PLEKHG3: variants seen among roughly 807,000 people sequenced by gnomAD.
PLEKHG3 encodes pleckstrin homology and RhoGEF domain containing G3.
Under a neutral mutation model 94.9 loss-of-function variants are expected in PLEKHG3, and 62 were observed. The observed-to-expected ratio is 0.65, with a 90% CI of 0.53 to 0.81. The LOEUF (loss-of-function observed/expected upper bound fraction) is 0.81, where lower values mean the gene tolerates loss of function less well. Ranked by LOEUF, PLEKHG3 falls within the 30% of genes least tolerant of loss-of-function variation. PLEKHG3 has a pLI of 0.00. For synonymous variants in PLEKHG3, 614 were observed against 654.0 expected (o/e 0.94, Z 0.93); for missense variants, 1,461 against 1,619.3 (o/e 0.90, Z 1.68).
At position 64,728,935 on chromosome 14, in the gene PLEKHG3, A is replaced by T. The variant is rs1186823141; in HGVS notation, c.352-61A>T. ...AGCAGGGCCGAAACGAGGTGTGGCT[A>T]GGGAAGGTAGTGGGCAGGGTTGTGC... On this transcript the variant is annotated intron_variant, in intron 2 of 16. Transcript: ENST00000247226. The surrounding 1 kb of genome is among the most constrained non-coding windows in gnomAD (Gnocchi z 5.9). 4 of 658,050 alleles carry T rather than the reference A, an allele frequency of 6.1e-6. No homozygotes were observed. The highest frequency in any genetic ancestry group is 1.1e-5 in the Non-Finnish European group (4 of 367,868). 40.8% of individuals were successfully genotyped at this position (658,050 alleles called of 1,614,324 possible).
intron 16 of PLEKHG3, 24 bp from the exon 17 acceptor site, chr14:64,742,958 A>G: frequency 1.2e-6 from 2 of 1,612,482 alleles, no homozygotes; most frequent in East Asian, 4.5e-5. Context: ...CCCATGCTTC[A>G]GGCAGCTTGC....
In PLEKHG3 at chr14:64,743,407, A is replaced by G. The variant is rs1201723978; in HGVS notation, c.3364A>G (p.Ser1122Gly). Residue 1122 changes from serine (S) to glycine (G), a missense_variant, in exon 17 of 17, where the codon AGC becomes GGC. Ser to Gly is a moderately conservative substitution (Grantham distance 56). Coordinates refer to ENST00000247226, the MANE Select transcript of PLEKHG3 (RefSeq NM_001308147.2). The surrounding 1 kb of genome is among the most constrained non-coding windows in gnomAD (Gnocchi z 7.2). ...AAQSPGPLPQ[S>G]KPDGGETLYV... ...CCAATCCCCTGGGCCTCTGCCCCAG[A>G]GCAAGCCGGATGGAGGCGAGACCCT... 6.2e-7 allele frequency: 1 copy of G among 1,610,750 alleles called. No homozygotes were observed. The highest frequency in any genetic ancestry group is 8.5e-7 in the Non-Finnish European group (1 of 1,178,312).
chr14:64,709,124 T>C (rs547996722), intron 1 of PLEKHG3, among the ~76,000 whole-genome samples: 1 of 152,194 alleles, frequency 6.6e-6, no homozygotes, highest in Non-Finnish European at 1.5e-5. Flanking sequence ...ACTGGGTTGC[T>C]ATCTGGGGAC....
rs545030686 is a variant in PLEKHG3, at chr14:64,722,517, G to A, written c.-39-5076G>A. On this transcript the variant is annotated intron_variant, in intron 1 of 16. Coordinates refer to ENST00000247226, the MANE Select transcript of PLEKHG3 (RefSeq NM_001308147.2). This position sits in a 1 kb window ranked among gnomAD's most constrained non-coding sequence, Gnocchi z 4.3. The stretch of plus-strand genomic sequence containing the variant: ...TTACAGGCGTGAGCCACTGCGCCTG[G>A]CCACGAGGACTTTCCCTGTGTGCAG... Among the ~76,000 whole-genome samples, 7 of 152,292 alleles carry A rather than the reference G, an allele frequency of 4.6e-5. No homozygotes were observed. In the South Asian group the frequency reaches 1.4e-3, roughly 32 times the overall value.
intron 13 of PLEKHG3, 132 bp downstream of exon 13, chr14:64,737,023 C>T: frequency 1.3e-6 from 1 of 771,830 alleles, no homozygotes; most frequent in Non-Finnish European, 2.3e-6. Flanking sequence ...ACTCTGCCTC[C>T]ATTCCCCCCA....
In PLEKHG3 at chr14:64,731,590, A is replaced by G; in HGVS notation, c.1032+47A>G. On this transcript the variant is annotated intron_variant, in intron 8 of 16. Coordinates refer to ENST00000247226, the MANE Select transcript of PLEKHG3 (RefSeq NM_001308147.2). The surrounding 1 kb of genome is among the most constrained non-coding windows in gnomAD (Gnocchi z 6.1). ...TCCTCTGCCATCTTCTCTCCTTCCC[A>G]AAGGATCTGGGCTCCCCTTCTTGTC... 6.3e-7 allele frequency: 1 copy of G among 1,586,858 alleles called. No individual in the cohort carries two copies. The highest frequency in any genetic ancestry group is 8.7e-7 in the Non-Finnish European group (1 of 1,155,902).
At position 64,725,548 on chromosome 14, in the gene PLEKHG3, T is replaced by A. The variant is rs540092667; in HGVS notation, c.-39-2045T>A. On this transcript the variant is annotated intron_variant, in intron 1 of 16. Coordinates refer to ENST00000247226, the MANE Select transcript of PLEKHG3 (RefSeq NM_001308147.2). The surrounding 1 kb of genome is among the most constrained non-coding windows in gnomAD (Gnocchi z 5.0). ...TTCTGTAAAAGGCATAGCTGATTAA[T>A]TGTAAAGGCCCTTTTGAGGAGGGAG... Among the ~76,000 whole-genome samples, 1 of 152,296 alleles carries A rather than the reference T, an allele frequency of 6.6e-6. No individual in the cohort carries two copies. Among genetic ancestry groups the A allele is most frequent in the Non-Finnish European group, 1.5e-5 (1 of 68,022 alleles).
Position 64,731,102 on chromosome 14 carries a change from C to G in PLEKHG3, c.782C>G (p.Thr261Ser), listed in dbSNP as rs1296637167. Residue 261 changes from threonine (T) to serine (S), a missense_variant, in exon 7 of 17, where the codon ACC becomes AGC. Thr to Ser is a moderately conservative substitution (Grantham distance 58). Around this residue, in one of 3 missense-constraint regions of PLEKHG3, gnomAD observed 1,201 missense variants for 1,295.5 expected, o/e 0.93. Coordinates refer to ENST00000247226, the MANE Select transcript of PLEKHG3 (RefSeq NM_001308147.2). The surrounding 1 kb of genome is among the most constrained non-coding windows in gnomAD (Gnocchi z 6.1). Reference protein sequence around the residue: ...GFEVVEDAIDTMTCVAWYIND... With the variant: ...GFEVVEDAIDSMTCVAWYIND... ...GAGGTGGTGGAGGATGCCATTGACA[C>G]CATGACCTGTGTGGCCTGGTACATC... 6.2e-7 allele frequency: 1 copy of G among 1,612,932 alleles called. No homozygotes were observed. The highest frequency in any genetic ancestry group is 1.3e-5 in the African/African-American group (1 of 74,900).
At position 64,727,847 on chromosome 14, in the gene PLEKHG3, G is replaced by GGGGCCCCTCTCCCCGTTCAACAGCC; in HGVS notation, c.221_245dup (p.Ala83ProfsTer51). On this transcript the variant is annotated frameshift_variant, in exon 2 of 17. Transcript: ENST00000247226. LOFTEE classifies it high-confidence loss of function. The surrounding 1 kb of genome is among the most constrained non-coding windows in gnomAD (Gnocchi z 6.0). Reference sequence around the variant, plus strand: ...ACTCCAGCAGCTGGTTGAACGTGAAGGGGCCCCTCTCCCCGTTCAACAGCC... The same window carrying GGGGCCCCTCTCCCCGTTCAACAGCC: ...ACTCCAGCAGCTGGTTGAACGTGAAGGGGCCCCTCTCCCCGTTCAACAGCCGGGCCCCTCTCCCCGTTCAACAGCC... The GGGGCCCCTCTCCCCGTTCAACAGCC allele has an allele frequency of 6.2e-7, 1 of 1,613,390 alleles. No individual in the cohort carries two copies.
In PLEKHG3 at chr14:64,726,484, T is replaced by G. The variant is rs538642091; in HGVS notation, c.-39-1109T>G. Among the ~76,000 whole-genome samples the G allele has an allele frequency of 4.8e-3, 726 of 152,092 alleles. 2 individuals are homozygous for G. The highest frequency in any genetic ancestry group is 8.9e-3 in the Non-Finnish European group (602 of 67,960). On this transcript the variant is annotated intron_variant, in intron 1 of 16. Transcript: ENST00000247226. This position sits in a 1 kb window ranked among gnomAD's most constrained non-coding sequence, Gnocchi z 5.1. ...GTGAGCTCTAAGGGGTGGGCATGGG[T>G]GTTGCATGGGTGTCCCTGTCCTTCC...
In PLEKHG3 at chr14:64,722,682, T is replaced by C. The variant is rs1335970163; in HGVS notation, c.-39-4911T>C. Among the ~76,000 whole-genome samples the C allele has an allele frequency of 6.6e-6, 1 of 152,112 alleles. No homozygotes were observed. Among genetic ancestry groups the C allele is most frequent in the African/African-American group, 2.4e-5 (1 of 41,418 alleles). On this transcript the variant is annotated intron_variant, in intron 1 of 16. Coordinates refer to ENST00000247226, the MANE Select transcript of PLEKHG3 (RefSeq NM_001308147.2). The surrounding 1 kb of genome is among the most constrained non-coding windows in gnomAD (Gnocchi z 4.3). Reference sequence around the variant, plus strand: ...TTCTTGAGTGTGGGGTGAAGGGCAGTGGATGAAATGACGACATCAGCCTCT... The same window carrying C: ...TTCTTGAGTGTGGGGTGAAGGGCAGCGGATGAAATGACGACATCAGCCTCT...
At position 64,741,976 on chromosome 14, in the gene PLEKHG3, G is replaced by A. The variant is rs774028522; in HGVS notation, c.2459G>A (p.Gly820Glu). Residue 820 changes from glycine (G) to glutamate (E), a missense_variant, in exon 16 of 17, where the codon GGA (glycine) becomes GAA (glutamate). Gly to Glu is a moderately conservative substitution (Grantham distance 98). Around this residue, in one of 3 missense-constraint regions of PLEKHG3, gnomAD observed 1,201 missense variants for 1,295.5 expected, o/e 0.93. Transcript: ENST00000247226. ...TCAGAAATTGTGAAGATCTGGGAGG[G>A]AATGGAGTCTTCCGGAGGGAGCCCT... ...PSSEIVKIWE[G>E]MESSGGSPGK... is the part of the protein sequence containing the mutation. 15 of 1,575,340 alleles carry A rather than the reference G, an allele frequency of 9.5e-6. No homozygotes were observed. Among genetic ancestry groups the A allele is most frequent in the Non-Finnish European group, 1.3e-5 (15 of 1,162,550 alleles).
Position 64,738,056 on chromosome 14 carries a change from C to T in PLEKHG3, c.1404+681C>T, listed in dbSNP as rs542746968. Reference sequence around the variant, plus strand: ...AGGACCTGACAGGGCATGAAGGCAACGAGAAGGGGGCTGGGCCGGAGCCCC... The same window carrying T: ...AGGACCTGACAGGGCATGAAGGCAATGAGAAGGGGGCTGGGCCGGAGCCCC... On this transcript the variant is annotated intron_variant, in intron 14 of 16. Transcript: ENST00000247226. The surrounding 1 kb of genome is among the most constrained non-coding windows in gnomAD (Gnocchi z 4.8). The T allele has an allele frequency of 7.9e-5, 103 of 1,296,732 alleles. No homozygotes were observed. Among genetic ancestry groups the T allele is most frequent in the African/African-American group, 7.3e-4 (48 of 66,198 alleles). The allele number at this position is 1,296,732 out of a possible 1,614,324, so 80.3% of individuals were successfully genotyped here.
Position 64,730,021 on chromosome 14 carries a change from G to T in PLEKHG3, c.450-222G>T, listed in dbSNP as rs2081429184. ...CCCCTCTTCATCTCCCTCTTGTTGA[G>T]CCTGTAGGTCTCCCTGACTTCCTGC... is the stretch of plus-strand genomic sequence containing the variant. On this transcript the variant is annotated intron_variant, in intron 3 of 16. Transcript: ENST00000247226. This position sits in a 1 kb window ranked among gnomAD's most constrained non-coding sequence, Gnocchi z 5.4. Among the ~76,000 whole-genome samples, 1 of 152,214 alleles carries T rather than the reference G, an allele frequency of 6.6e-6. No homozygotes were observed. The highest frequency in any genetic ancestry group is 6.5e-5 in the Admixed American group (1 of 15,284).
At chr14:64,707,368 C>T (rs2080988283) in intron 1 of PLEKHG3, among the ~76,000 whole-genome samples, 1 of 152,236 alleles carries the variant, frequency 6.6e-6, no homozygotes, top group African/African-American at 2.4e-5. Context: ...CTTTTCCTCC[C>T]AGTACTCATG....
rs138114869 is a variant in PLEKHG3, at chr14:64,743,539, G to C, written c.3496G>C (p.Gly1166Arg). 11 of 1,613,034 alleles carry C rather than the reference G, an allele frequency of 6.8e-6. No individual in the cohort carries two copies. In the African/African-American group the frequency reaches 1.3e-4, roughly 20 times the overall value. Residue 1166 changes from glycine (G) to arginine (R), a missense_variant, in exon 17 of 17, where the codon GGA (glycine) becomes CGA (arginine). By Grantham distance (125) the Gly-to-Arg change is moderately radical. Around this residue, in one of 3 missense-constraint regions of PLEKHG3, gnomAD observed 1,201 missense variants for 1,295.5 expected, o/e 0.93. Coordinates refer to ENST00000247226, the MANE Select transcript of PLEKHG3 (RefSeq NM_001308147.2). The surrounding 1 kb of genome is among the most constrained non-coding windows in gnomAD (Gnocchi z 7.2). ...AGGGCTGGAGGAGAGCAGTGGCCAG[G>C]GACCAAGCTCACCGGTGGCCCTGCT... Reference protein sequence around the residue: ...TAGLEESSGQGPSSPVALLGQ... With the variant: ...TAGLEESSGQRPSSPVALLGQ...
chr14:64,731,649 A>G lies in PLEKHG3; in HGVS notation c.1033-65A>G, dbSNP rs1045312866. The G allele has an allele frequency of 1.3e-5, 20 of 1,514,432 alleles. No individual in the cohort carries two copies. Among genetic ancestry groups the G allele is most frequent in the Non-Finnish European group, 1.7e-5 (19 of 1,089,844 alleles). The allele number at this position is 1,514,432 out of a possible 1,614,324, so 93.8% of individuals were successfully genotyped here. On this transcript the variant is annotated intron_variant, in intron 8 of 16. Transcript: ENST00000247226. The surrounding 1 kb of genome is among the most constrained non-coding windows in gnomAD (Gnocchi z 6.1). ...GGGGCTCCAGCACCACCCTTCTGAGATCACCCTCCCTGCTTCCCCAGGCTG... is the reference window on the plus strand; with the variant it reads ...GGGGCTCCAGCACCACCCTTCTGAGGTCACCCTCCCTGCTTCCCCAGGCTG...
In PLEKHG3 at chr14:64,716,578, C is replaced by A. The variant is rs2081167042; in HGVS notation, c.-39-11015C>A. ...AGCAGAGTTAATCTCCCACTTCTTC[C>A]TGATGTTTCCTTTTCCCAGAATCCA... On this transcript the variant is annotated intron_variant, in intron 1 of 16. Coordinates refer to ENST00000247226, the MANE Select transcript of PLEKHG3 (RefSeq NM_001308147.2). The surrounding 1 kb of genome is among the most constrained non-coding windows in gnomAD (Gnocchi z 5.0). 6.8e-6 allele frequency among the ~76,000 whole-genome samples: 1 copy of A among 147,952 alleles called. No homozygotes were observed. Among genetic ancestry groups the A allele is most frequent in the Non-Finnish European group, 1.5e-5 (1 of 67,336 alleles).
In PLEKHG3 at chr14:64,732,525, C is replaced by A; in HGVS notation, c.1246+65C>A. The A allele has an allele frequency of 7.0e-7, 1 of 1,429,486 alleles. No individual in the cohort carries two copies. The allele number at this position is 1,429,486 out of a possible 1,614,324, so 88.6% of individuals were successfully genotyped here. Reference sequence around the variant, plus strand: ...GCACATTGCTAGGTCAGGCTGCATCCTGGGGAAGCTTTACCTGATAATTTT... The same window carrying A: ...GCACATTGCTAGGTCAGGCTGCATCATGGGGAAGCTTTACCTGATAATTTT... On this transcript the variant is annotated intron_variant, in intron 11 of 16. Transcript: ENST00000247226. This position sits in a 1 kb window ranked among gnomAD's most constrained non-coding sequence, Gnocchi z 4.9.
Sources: gnomAD v4.1 joint callset for allele counts (sites outside exome capture counted in the v4.1 genomes callset) on GRCh38, gnomAD v4.1.1 for gene constraint, gnomAD v4.1.1 regional missense constraint, Gnocchi (gnomAD v3.1) non-coding constraint, MANE v1.5 for transcripts, NCBI Gene and HGNC (gene_info 2026-07-23, HGNC 2026-07-21) for gene names.